SEMA6D: variants seen among roughly 807,000 people sequenced by gnomAD.
The protein encoded by SEMA6D is semaphorin 6D, also known as semaphorin-6D.
Under a neutral mutation model 106.6 loss-of-function variants are expected in SEMA6D, and 35 were observed. The observed-to-expected ratio is 0.33, with a 90% CI of 0.25 to 0.44. The LOEUF (loss-of-function observed/expected upper bound fraction) is 0.44, where lower values mean the gene tolerates loss of function less well. Among genes scored for constraint, SEMA6D ranks in the 20% least tolerant of loss-of-function variants. SEMA6D has a pLI of 1.00. For missense variants in SEMA6D, 1,185 were observed against 1,345.9 expected (o/e 0.88, Z 1.87); for synonymous variants, 499 against 487.7 (o/e 1.02, Z -0.31).
intron 3 of SEMA6D, among the ~76,000 whole-genome samples, chr15:47,558,611 C>T (rs1260076761): frequency 7.9e-5 from 12 of 151,916 alleles, no homozygotes; most frequent in Non-Finnish European, 1.5e-4. Context: ...AAGTATAGGG[C>T]ATGATTATCA....
intron 3 of SEMA6D, among the ~76,000 whole-genome samples, chr15:47,535,484 A>G (rs766425577): frequency 3.3e-5 from 5 of 152,154 alleles, no homozygotes; most frequent in Non-Finnish European, 7.4e-5. Context: ...AAAATGGGGC[A>G]GTGGATCTAG....
At chr15:47,474,289 C>T (rs939303333) in intron 3 of SEMA6D, among the ~76,000 whole-genome samples, 1 of 152,188 alleles carries the variant, frequency 6.6e-6, no homozygotes. Context: ...GTCAGAATAT[C>T]TTAGCCAGAG....
chr15:47,354,098 G>T (rs1426369241), intron 1 of SEMA6D, among the ~76,000 whole-genome samples: 1 of 148,608 alleles, frequency 6.7e-6, no homozygotes, highest in Non-Finnish European at 1.5e-5. Flanking sequence ...GAGTGTATAT[G>T]TATACATATA....
At position 47,765,348 on chromosome 15, in the gene SEMA6D, G is replaced by A. The variant is rs938650309; in HGVS notation, c.1427+292G>A. On this transcript the variant is annotated intron_variant, in intron 13 of 18. Coordinates refer to ENST00000536845, the MANE Select transcript of SEMA6D (RefSeq NM_001358351.3). ...TTATCTTGCAGATATATTCCAAGATGCTACATGCAGCAGACAGCTGTGAGC... is the reference window on the plus strand; with the variant it reads ...TTATCTTGCAGATATATTCCAAGATACTACATGCAGCAGACAGCTGTGAGC... 2.6e-6 allele frequency: 3 copies of A among 1,173,378 alleles called. No homozygotes were observed. The East Asian group carries it at 1.5e-4, about 60-fold the overall frequency. 72.7% of individuals were successfully genotyped at this position (1,173,378 alleles called of 1,614,324 possible).
chr15:47,690,768 G>A lies in SEMA6D; in HGVS notation c.-54-68977G>A, dbSNP rs141914983. On this transcript the variant is annotated intron_variant, in intron 4 of 19. Coordinates refer to the SEMA6D transcript ENST00000558014. Reference sequence around the variant, plus strand: ...TTTTTAGTTTTTAGAAATTGAAATAGTCTTTTGTAGAAACCGGGCTATTTT... The same window carrying A: ...TTTTTAGTTTTTAGAAATTGAAATAATCTTTTGTAGAAACCGGGCTATTTT... Among the ~76,000 whole-genome samples, 301 of 151,282 alleles carry A rather than the reference G, an allele frequency of 2.0e-3. 2 individuals are homozygous for A. Among genetic ancestry groups the A allele is most frequent in the African/African-American group, 7.1e-3 (296 of 41,484 alleles).
chr15:47,505,102 T>A, intron 3 of SEMA6D, among the ~76,000 whole-genome samples: 1 of 152,018 alleles, frequency 6.6e-6, no homozygotes, highest in East Asian at 1.9e-4. Context: ...AGAGAGGAGA[T>A]CAGGCCTTCC....
At chr15:47,667,522 A>AGTCT (rs1192734005) in intron 4 of SEMA6D, among the ~76,000 whole-genome samples, 2 of 152,220 alleles carry the variant, frequency 1.3e-5, no homozygotes, top group African/African-American at 4.8e-5. Context: ...ACAGTGTTTT[A>AGTCT]GTCTGATCGG....
intron 1 of SEMA6D, among the ~76,000 whole-genome samples, chr15:47,747,581 T>C (rs1437036799): frequency 6.6e-6 from 1 of 152,098 alleles, no homozygotes; most frequent in Non-Finnish European, 1.5e-5. Context: ...TGACCCAACT[T>C]TGAGGAAAAC....
At chr15:47,408,957 T>C (rs2040691491) in intron 1 of SEMA6D, among the ~76,000 whole-genome samples, 1 of 152,190 alleles carries the variant, frequency 6.6e-6, no homozygotes, top group African/African-American at 2.4e-5. Flanking sequence ...AAGGACTCCG[T>C]CTGTTTTGTT....
chr15:47,421,055 A>G (rs1313304144), intron 2 of SEMA6D, among the ~76,000 whole-genome samples: 1 of 152,180 alleles, frequency 6.6e-6, no homozygotes, highest in Non-Finnish European at 1.5e-5. Context: ...TTTTATTGAA[A>G]GTAGATGATA....
intron 1 of SEMA6D, among the ~76,000 whole-genome samples, chr15:47,297,710 A>G (rs1369251796): frequency 6.6e-6 from 1 of 152,184 alleles, no homozygotes; most frequent in Non-Finnish European, 1.5e-5. Context: ...TAAACACTCT[A>G]AGGCTGACTA....
chr15:47,605,035 A>C (rs1322129895), intron 4 of SEMA6D, among the ~76,000 whole-genome samples: 1 of 152,128 alleles, frequency 6.6e-6, no homozygotes, highest in Non-Finnish European at 1.5e-5. Flanking sequence ...CTGCTGTGTA[A>C]CCAATATCCC....
chr15:47,574,546 C>T (rs558278279), intron 3 of SEMA6D, among the ~76,000 whole-genome samples: 33 of 152,154 alleles, frequency 2.2e-4, no homozygotes, highest in Admixed American at 3.9e-4. Flanking sequence ...AAGAATTTAG[C>T]GGAATCTTGT....
chr15:47,455,490 G>A (rs1013431096), intron 2 of SEMA6D, among the ~76,000 whole-genome samples: 11 of 152,030 alleles, frequency 7.2e-5, no homozygotes, highest in Admixed American at 3.9e-4. Context: ...AAGGAGTAAC[G>A]TAAGTGGGAC....
intron 1 of SEMA6D, among the ~76,000 whole-genome samples, chr15:47,212,318 G>A (rs574678237): frequency 1.3e-5 from 2 of 152,290 alleles, no homozygotes; most frequent in Admixed American, 6.5e-5. Context: ...TCACTTTGTT[G>A]TGTATACCTG....
chr15:47,652,164 A>G (rs193234366), intron 4 of SEMA6D, among the ~76,000 whole-genome samples: 1 of 152,214 alleles, frequency 6.6e-6, no homozygotes, highest in African/African-American at 2.4e-5. Flanking sequence ...GCTGTCTTTA[A>G]AAAGTACTTT....
At chr15:47,515,869 C>A (rs1344608434) in intron 3 of SEMA6D, among the ~76,000 whole-genome samples, 1 of 152,130 alleles carries the variant, frequency 6.6e-6, no homozygotes, top group Non-Finnish European at 1.5e-5. Context: ...GGAGCAGAAC[C>A]AACAAATAGG....
chr15:47,198,330 C>G (rs1894496591), intron 1 of SEMA6D, among the ~76,000 whole-genome samples: 1 of 152,192 alleles, frequency 6.6e-6, no homozygotes, highest in African/African-American at 2.4e-5. Context: ...TGTGTTCTCA[C>G]TACAAAATAT....
At chr15:47,238,705 G>A (rs982984575) in intron 1 of SEMA6D, among the ~76,000 whole-genome samples, 2 of 152,072 alleles carry the variant, frequency 1.3e-5, no homozygotes, top group African/African-American at 2.4e-5. Flanking sequence ...CAGAACCCAT[G>A]TAGATTTTCT....
Sources: allele counts gnomAD v4.1 joint callset (sites outside exome capture counted in the v4.1 genomes callset), GRCh38; gene constraint gnomAD v4.1.1; transcripts MANE v1.5; gene names NCBI Gene and HGNC (gene_info 2026-07-23, HGNC 2026-07-21).